The following MACF1 variants were observed in gnomAD, a reference collection of about 807,000 sequenced individuals.
MACF1 encodes the protein microtubule actin crosslinking factor 1.
MACF1 carries 193 observed loss-of-function variants against 854.8 expected under a neutral mutation model. The ratio of observed to expected loss-of-function variants is 0.23; its 90% CI spans 0.20 to 0.25. The LOEUF is 0.25. Among genes scored for constraint, MACF1 ranks in the 10% least tolerant of loss-of-function variants. The pLI, the probability that MACF1 is intolerant of heterozygous loss-of-function variation, is 1.00. For synonymous variants in MACF1, 3,185 were observed against 3,226.7 expected (o/e 0.99, Z 0.44); for missense variants, 7,722 against 8,929.1 (o/e 0.86, Z 5.45).
At chr1:39,188,539 G>A (rs1644207529) in intron 2 of MACF1, among the ~76,000 whole-genome samples, 1 of 152,194 alleles carries the variant, frequency 6.6e-6, no homozygotes, top group African/African-American at 2.4e-5. Context: ...CTCCCATCTG[G>A]GGGCCAATTC....
intron 14 of MACF1, among the ~76,000 whole-genome samples, chr1:39,286,893 A>G (rs997314696): frequency 2.6e-5 from 4 of 152,202 alleles, no homozygotes; most frequent in Admixed American, 6.5e-5. Flanking sequence ...GATGTTCATA[A>G]TATCACCTTG....
At chr1:39,428,612 A>G (rs116281812) in intron 63 of MACF1, among the ~76,000 whole-genome samples, 3,865 of 152,358 alleles carry the variant, frequency 0.025, 85 homozygotes, top group Middle Eastern at 0.078. Context: ...ATGAAAGATA[A>G]TGTGCTTTAA....
At chr1:39,411,933 C>T (rs758124909) in intron 58 of MACF1, 2 of 1,613,688 alleles carry the variant, frequency 1.2e-6, no homozygotes, top group East Asian at 4.5e-5. Flanking sequence ...AACTTATTGC[C>T]CACGTTGATA....
chr1:39,194,493 A>G (rs1644296172), intron 2 of MACF1, among the ~76,000 whole-genome samples: 1 of 151,080 alleles, frequency 6.6e-6, no homozygotes, highest in African/African-American at 2.4e-5. Context: ...AGCTGAGACT[A>G]CAGGCACATG....
intron 2 of MACF1, among the ~76,000 whole-genome samples, chr1:39,183,831 C>T (rs758778572): frequency 1.3e-5 from 2 of 152,088 alleles, no homozygotes; most frequent in Non-Finnish European, 2.9e-5. Flanking sequence ...GGAGGTATAG[C>T]GAGAGTAGCT....
chr1:39,244,651 C>G (rs1644962875), intron 2 of MACF1, among the ~76,000 whole-genome samples: 1 of 151,350 alleles, frequency 6.6e-6, no homozygotes, highest in South Asian at 2.1e-4. Context: ...CATCTTGGCT[C>G]ACTGCCACCC....
chr1:39,346,035 T>C (rs1326867942), intron 40 of MACF1, among the ~76,000 whole-genome samples: 8 of 147,084 alleles, frequency 5.4e-5, no homozygotes, highest in African/African-American at 2.0e-4. Flanking sequence ...TACCACTGCA[T>C]TCCAGCCTGG....
intron 6 of MACF1, among the ~76,000 whole-genome samples, chr1:39,266,208 T>C (rs1442216928): frequency 6.6e-6 from 1 of 152,212 alleles, no homozygotes; most frequent in Non-Finnish European, 1.5e-5. Flanking sequence ...CTAAGTTTAT[T>C]AGTTTCAGGA....
intron 95 of MACF1, among the ~76,000 whole-genome samples, chr1:39,465,393 C>A (rs1644645852): frequency 6.6e-6 from 1 of 152,160 alleles, no homozygotes; most frequent in South Asian, 2.1e-4. Context: ...TTTTGTACTT[C>A]TGTGTTAGAA....
chr1:39,188,525 C>T (rs1644207315), intron 2 of MACF1, among the ~76,000 whole-genome samples: 1 of 152,182 alleles, frequency 6.6e-6, no homozygotes, highest in Non-Finnish European at 1.5e-5. Flanking sequence ...AAAGACTGGC[C>T]AGTCTCCCAT....
rs544148820 is a variant in MACF1 at position 39,283,643 on chromosome 1, A to G, written c.915+128A>G. 8.9e-6 allele frequency: 6 copies of G among 671,820 alleles called. No homozygotes were observed. The highest frequency in any genetic ancestry group is 7.2e-5 in the African/African-American group (4 of 55,356). The allele number at this position is 671,820 out of a possible 1,614,324, so 41.6% of individuals were successfully genotyped here. On this transcript the variant is annotated intron_variant, in intron 9 of 100. Transcript: ENST00000564288. The surrounding 1 kb of genome is among the most constrained non-coding windows in gnomAD (Gnocchi z 4.5). ...AAACTATATATCCAGTATCTTTATC[A>G]TACATGGACATTATCCTTGGCCCTG...
chr1:39,139,999 G>C (rs1423632634), intron 2 of MACF1, among the ~76,000 whole-genome samples: 1 of 151,376 alleles, frequency 6.6e-6, no homozygotes, highest in Admixed American at 6.6e-5. Flanking sequence ...TGTTGCACAG[G>C]CTGCAGTGCA....
In MACF1 at chr1:39,435,347, G is replaced by A. The variant is rs114821883; in HGVS notation, c.17785-211G>A. ...AGGCTGCTAGGGTGATGAGACATCA[G>A]AACTGACTTTCAAAAATTAAATTGG... On this transcript the variant is annotated intron_variant, in intron 69 of 100. Coordinates refer to ENST00000564288, the MANE Select transcript of MACF1 (RefSeq NM_001394062.1). Among the ~76,000 whole-genome samples, 784 of 152,254 alleles carry A rather than the reference G, an allele frequency of 5.1e-3. 5 individuals are homozygous for A. Among genetic ancestry groups the A allele is most frequent in the African/African-American group, 0.018 (747 of 41,540 alleles).
At chr1:39,412,754 T>A (rs1316652833) in intron 58 of MACF1, 1 of 1,613,270 alleles carries the variant, frequency 6.2e-7, no homozygotes, top group South Asian at 1.1e-5. Context: ...TGGATACCCG[T>A]CCTCCAGAGA....
At chr1:39,099,110 G>A (rs1296176355) in intron 2 of MACF1, among the ~76,000 whole-genome samples, 2 of 152,198 alleles carry the variant, frequency 1.3e-5, no homozygotes, top group Non-Finnish European at 2.9e-5. Context: ...AGGAGGAATG[G>A]AGAGAATATG....
chr1:39,250,192 C>T, intron 3 of MACF1, 89 bp downstream of exon 3: 1 of 808,254 alleles, frequency 1.2e-6, no homozygotes, highest in East Asian at 2.6e-5. Context: ...CAGCAGCCAT[C>T]ACTGTTTCAT....
In MACF1 at chr1:39,479,780, T is replaced by G. The variant is rs1644981420; in HGVS notation, c.21959-18T>G. 2 of 1,605,214 alleles carry G rather than the reference T, an allele frequency of 1.2e-6. No individual in the cohort carries two copies. Among genetic ancestry groups the G allele is most frequent in the Non-Finnish European group, 1.7e-6 (2 of 1,171,910 alleles). ...TTTAGAAGAACTGACATTGTGTGTGTGTTTATTTCCTTTTTAGCACGAGGT... is the reference window on the plus strand; with the variant it reads ...TTTAGAAGAACTGACATTGTGTGTGGGTTTATTTCCTTTTTAGCACGAGGT... On this transcript the variant is annotated intron_variant, in intron 97 of 100. Transcript: ENST00000564288.
At chr1:39,259,297 G>A (rs779966136) in intron 6 of MACF1, among the ~76,000 whole-genome samples, 31 of 151,350 alleles carry the variant, frequency 2.0e-4, no homozygotes, top group African/African-American at 7.5e-4. Context: ...TTTTTTGACC[G>A]AGTTTTGCTC....
chr1:39,170,733 T>G (rs1452633160), intron 2 of MACF1, among the ~76,000 whole-genome samples: 1 of 152,246 alleles, frequency 6.6e-6, no homozygotes, highest in Non-Finnish European at 1.5e-5. Context: ...TCCTTTCCCT[T>G]GTAGAGCTTA....
Sources: allele counts gnomAD v4.1 joint callset (sites outside exome capture counted in the v4.1 genomes callset), GRCh38; gene constraint gnomAD v4.1.1; non-coding constraint Gnocchi (gnomAD v3.1); transcripts MANE v1.5; gene names NCBI Gene and HGNC (gene_info 2026-07-23, HGNC 2026-07-21).